HPGD: variants seen among roughly 807,000 people sequenced by gnomAD.
The protein encoded by HPGD is 15-hydroxyprostaglandin dehydrogenase.
In HPGD, 29 loss-of-function variants were observed where a neutral mutation model predicts 30.0. The ratio of observed to expected loss-of-function variants is 0.97; its 90% CI spans 0.72 to 1.32. The LOEUF is 1.32. Among genes scored for constraint, HPGD ranks in the 40% most tolerant of loss-of-function variants. HPGD has a pLI of 0.00. For missense variants in HPGD, 340 were observed against 322.1 expected, an observed-to-expected ratio of 1.06 and a Z score of -0.43; for synonymous variants, 99 against 112.4, an observed-to-expected ratio of 0.88 and a Z score of 0.75.
At chr4:174,500,476 C>A (rs982640812) in intron 4 of HPGD, among the ~76,000 whole-genome samples, 1 of 152,126 alleles carries the variant, frequency 6.6e-6, no homozygotes, top group Non-Finnish European at 1.5e-5. Context: ...TTATTAATTG[C>A]CAAAACTTGG....
chr4:174,497,683 T>C lies in HPGD; in HGVS notation c.422-2059A>G, dbSNP rs760599146. On this transcript the variant is annotated intron_variant, in intron 4 of 6. Coordinates refer to ENST00000296522, the MANE Select transcript of HPGD (RefSeq NM_000860.6). ...ACTTCTGCCTCCTGGATTCAAGGGA[T>C]TCTCCTGCCTCAGCCTCCCAAGTAG... 1.3e-3 allele frequency among the ~76,000 whole-genome samples: 188 copies of C among 145,140 alleles called. 2 individuals carry two copies. Among genetic ancestry groups the C allele is most frequent in the Non-Finnish European group, 2.3e-3 (153 of 66,640 alleles).
intron 3 of HPGD, among the ~76,000 whole-genome samples, chr4:174,514,943 T>A (rs1735694454): frequency 6.6e-6 from 1 of 152,112 alleles, no homozygotes; most frequent in African/African-American, 2.4e-5. Context: ...AAAATACCTA[T>A]GAATACAGCT....
intron 5 of HPGD, among the ~76,000 whole-genome samples, chr4:174,493,725 A>G (rs1452550302): frequency 2.6e-5 from 4 of 152,244 alleles, no homozygotes; most frequent in Non-Finnish European, 4.4e-5. Context: ...CTTTGATTCT[A>G]AAGACACTCT....
chr4:174,499,217 G>C (rs747840471), intron 4 of HPGD, among the ~76,000 whole-genome samples: 4 of 152,158 alleles, frequency 2.6e-5, no homozygotes, highest in African/African-American at 4.8e-5. Context: ...GGTGTAAACT[G>C]TGCCGCTTAT....
Position 174,493,158 on chromosome 4 carries a change from T to A in HPGD, c.655A>T (p.Ile219Phe), listed in dbSNP as rs201125673. The change falls in exon 6 of 7, where the codon ATT becomes TTT. Residue 219 changes from isoleucine (I) to phenylalanine (F), a missense_variant. Ile to Phe is a conservative substitution (Grantham distance 21). Transcript: ENST00000296522. ...HIKDMIKYYG[I>F]LDPPLIANGL... is the part of the protein sequence containing the mutation. Reference sequence around the variant, plus strand: ...AGACATAGTTTTACTTACTCCAAAATTCCATAGTATTTAATCATATCCTTG... The same window carrying A: ...AGACATAGTTTTACTTACTCCAAAAATCCATAGTATTTAATCATATCCTTG... The A allele has an allele frequency of 5.9e-5, 94 of 1,590,536 alleles. No homozygotes were observed. The East Asian group carries it at 2.0e-3, about 35-fold the overall frequency.
chr4:174,522,290 C>G, intron 1 of HPGD, 69 bp downstream of exon 1: 1 of 1,464,450 alleles, frequency 6.8e-7, no homozygotes, highest in South Asian at 1.2e-5. Flanking sequence ...CGCCAGTGCA[C>G]CTCGGGCGGC....
intron 3 of HPGD, among the ~76,000 whole-genome samples, chr4:174,511,744 TC>T (rs1735509362): frequency 6.6e-6 from 1 of 152,196 alleles, no homozygotes; most frequent in Admixed American, 6.5e-5. Flanking sequence ...CCTCCCGGGT[TC>T]ACGCCATTCG....
chr4:174,502,633 G>A (rs1734972700), intron 4 of HPGD, among the ~76,000 whole-genome samples: 1 of 131,758 alleles, frequency 7.6e-6, no homozygotes, highest in African/African-American at 2.8e-5. Context: ...AGCCGAGATT[G>A]CGCCACCGCA....
intron 1 of HPGD, 48 bp from the exon 2 acceptor site, chr4:174,522,115 A>G: frequency 6.2e-7 from 1 of 1,613,580 alleles, no homozygotes; most frequent in Non-Finnish European, 8.5e-7. Context: ...CTCACGAAAT[A>G]GACGGACAAA....
In HPGD at chr4:174,492,468, A is replaced by T. The variant is rs558413488; in HGVS notation, c.663-374T>A. On this transcript the variant is annotated intron_variant, in intron 6 of 6. Coordinates refer to ENST00000296522, the MANE Select transcript of HPGD (RefSeq NM_000860.6). The surrounding 1 kb of genome is among the most constrained non-coding windows in gnomAD (Gnocchi z 4.9). The stretch of plus-strand genomic sequence containing the variant: ...TACCAGATATAGATGTTATTAGTGT[A>T]GAAATATGATTGGTAACAGCTAGCA... Among the ~76,000 whole-genome samples, 281 of 152,186 alleles carry T rather than the reference A, an allele frequency of 1.8e-3. 1 individual carries two copies. The highest frequency in any genetic ancestry group is 0.017 in the South Asian group (81 of 4,826).
intron 2 of HPGD, 145 bp from the exon 3 acceptor site, chr4:174,518,222 T>C (rs1359750645): frequency 1.8e-6 from 1 of 563,110 alleles, no homozygotes; most frequent in Admixed American, 3.4e-5. Flanking sequence ...AATTAATTCC[T>C]TGTTTCTCAA....
rs1734603982 is a variant in HPGD at position 174,496,514 on chromosome 4, T to C, written c.422-890A>G. 6.6e-6 allele frequency among the ~76,000 whole-genome samples: 1 copy of C among 152,244 alleles called. No individual in the cohort carries two copies. The highest frequency in any genetic ancestry group is 2.4e-5 in the African/African-American group (1 of 41,466). ...TTATCAAGCTTATTTCTCAAAATTGTTAATTATCTAATCAGCAATCAAATT... is the reference window on the plus strand; with the variant it reads ...TTATCAAGCTTATTTCTCAAAATTGCTAATTATCTAATCAGCAATCAAATT... On this transcript the variant is annotated intron_variant, in intron 4 of 6. Transcript: ENST00000296522. This position sits in a 1 kb window ranked among gnomAD's most constrained non-coding sequence, Gnocchi z 4.6.
rs1734301499 is a variant in HPGD at position 174,490,738 on chromosome 4, C to G, written c.*1218G>C. ...GTACTTCTAGGAAATCCATATCAATCTCACATGGAAAGATTTGGCTTCAAG... is the reference window on the plus strand; with the variant it reads ...GTACTTCTAGGAAATCCATATCAATGTCACATGGAAAGATTTGGCTTCAAG... On this transcript the variant is annotated 3_prime_UTR_variant, in exon 7 of 7. Transcript: ENST00000296522. This position sits in a 1 kb window ranked among gnomAD's most constrained non-coding sequence, Gnocchi z 4.4. The G allele has an allele frequency of 6.6e-6, 1 of 152,286 alleles. No homozygotes were observed. Among genetic ancestry groups the G allele is most frequent in the African/African-American group, 2.4e-5 (1 of 41,442 alleles). The allele number at this position is 152,286 out of a possible 1,614,324, so 9.4% of individuals were successfully genotyped here. A position where few individuals can be genotyped will look rare whatever the true frequency, so the allele number is the denominator to read the frequency against.
intron 2 of HPGD, among the ~76,000 whole-genome samples, chr4:174,519,046 T>C (rs1031019136): frequency 9.2e-5 from 14 of 152,176 alleles, no homozygotes; most frequent in Admixed American, 4.6e-4. Flanking sequence ...CATATAATCA[T>C]TAACAACCAC....
At position 174,521,899 on chromosome 4, in the gene HPGD, G is replaced by A. The variant is rs1407939691; in HGVS notation, c.217+45C>T. ...CCGGGCTGCCTTCAGGTTGTTGCTT[G>A]TTGAGAGCACGTTCCCAGTTGACAG... On this transcript the variant is annotated intron_variant, in intron 2 of 6. Coordinates refer to ENST00000296522, the MANE Select transcript of HPGD (RefSeq NM_000860.6). 4 of 1,612,640 alleles carry A rather than the reference G, an allele frequency of 2.5e-6. No homozygotes were observed. The South Asian group carries it at 4.4e-5, about 18-fold the overall frequency.
Position 174,508,114 on chromosome 4 carries a change from G to A in HPGD, c.421+582C>T, listed in dbSNP as rs1476549039. 5.7e-6 allele frequency: 4 copies of A among 702,324 alleles called. No individual in the cohort carries two copies. The East Asian group carries it at 1.1e-4, about 19-fold the overall frequency. 43.5% of individuals were successfully genotyped at this position (702,324 alleles called of 1,614,324 possible). A position where few individuals can be genotyped will look rare whatever the true frequency, so the allele number is the denominator to read the frequency against. ...TCCAGCAGTTCTAAAGTAACCCTGG[G>A]AGCTCCCTGCTGAAGACGGCAGAAC... On this transcript the variant is annotated intron_variant, in intron 4 of 6. Coordinates refer to ENST00000296522, the MANE Select transcript of HPGD (RefSeq NM_000860.6).
chr4:174,504,840 A>G (rs1266425410), intron 4 of HPGD, among the ~76,000 whole-genome samples: 1 of 151,088 alleles, frequency 6.6e-6, no homozygotes, highest in Admixed American at 6.6e-5. Flanking sequence ...CAAACAAACA[A>G]ACAAACAAAC....
intron 2 of HPGD, among the ~76,000 whole-genome samples, chr4:174,519,045 A>ATTTGG (rs1735939816): frequency 6.6e-6 from 1 of 152,222 alleles, no homozygotes; most frequent in South Asian, 2.1e-4. Flanking sequence ...TCATATAATC[A>ATTTGG]TTAACAACCA....
At chr4:174,521,527 C>T (rs1350640965) in intron 2 of HPGD, among the ~76,000 whole-genome samples, 1 of 152,152 alleles carries the variant, frequency 6.6e-6, no homozygotes, top group African/African-American at 2.4e-5. Context: ...TATGTTTAAA[C>T]GAAAAACACT....
Sources: allele counts gnomAD v4.1 joint callset (sites outside exome capture counted in the v4.1 genomes callset), GRCh38; gene constraint gnomAD v4.1.1; non-coding constraint Gnocchi (gnomAD v3.1); transcripts MANE v1.5; gene names NCBI Gene and HGNC (gene_info 2026-07-23, HGNC 2026-07-21).